The following ESPN variants were observed in gnomAD, a reference collection of about 807,000 sequenced individuals.
The protein encoded by ESPN is autosomal recessive deafness type 36 protein.
ESPN carries 68 observed loss-of-function variants against 77.7 expected under a neutral mutation model. The observed-to-expected ratio is 0.87, with a 90% CI of 0.72 to 1.07. The LOEUF (loss-of-function observed/expected upper bound fraction) is 1.07, where lower values mean the gene tolerates loss of function less well. ESPN is among the 50% of genes least tolerant of loss of function. ESPN has a pLI of 0.00. For missense variants in ESPN, 1,060 were observed against 1,239.0 expected, an observed-to-expected ratio of 0.86 and a Z score of 2.17; for synonymous variants, 449 against 567.1, an observed-to-expected ratio of 0.79 and a Z score of 2.96.
chr1:6,437,990 G>T lies in ESPN; in HGVS notation c.489-2264G>T, dbSNP rs760327627. ...GCCCATTGATGGGCAGGCAACAAGCGGATGGGCAGTTGGATGGGTGAGCGA... is the reference window on the plus strand; with the variant it reads ...GCCCATTGATGGGCAGGCAACAAGCTGATGGGCAGTTGGATGGGTGAGCGA... On this transcript the variant is annotated intron_variant, in intron 2 of 12. Coordinates refer to ENST00000645284, the MANE Select transcript of ESPN (RefSeq NM_031475.3). This position sits in a 1 kb window ranked among gnomAD's most constrained non-coding sequence, Gnocchi z 4.5. Among the ~76,000 whole-genome samples, 4 of 152,086 alleles carry T rather than the reference G, an allele frequency of 2.6e-5. No homozygotes were observed. Among genetic ancestry groups the T allele is most frequent in the African/African-American group, 9.7e-5 (4 of 41,412 alleles).
In ESPN at chr1:6,440,770, AC is replaced by A; in HGVS notation, c.824del (p.Pro275ArgfsTer11). On this transcript the variant is annotated frameshift_variant, in exon 4 of 13. Coordinates refer to ENST00000645284, the MANE Select transcript of ESPN (RefSeq NM_031475.3). LOFTEE classifies it high-confidence loss of function. The stretch of plus-strand genomic sequence containing the variant: ...GATCTCGGCTGACCTGTGGGGCGGG[AC>A]CCCGCTGCACGACGCCGCCGAGAAC... ...GEISADLWGG[T>X]PLHDAAENGE... 6.6e-7 allele frequency: 1 copy of A among 1,523,330 alleles called. No individual in the cohort carries two copies. Among genetic ancestry groups the A allele is most frequent in the Non-Finnish European group, 8.7e-7 (1 of 1,144,490 alleles). 94.4% of individuals were successfully genotyped at this position (1,523,330 alleles called of 1,614,324 possible). A position where few individuals can be genotyped will look rare whatever the true frequency, so the allele number is the denominator to read the frequency against.
chr1:6,440,553 G>C, intron 3 of ESPN, 73 bp from the exon 4 acceptor site: 1 of 680,560 alleles, frequency 1.5e-6, no homozygotes, highest in Non-Finnish European at 2.0e-6. Context: ...GCGGGCCACG[G>C]AGGTACAGGG....
intron 2 of ESPN, among the ~76,000 whole-genome samples, chr1:6,430,625 G>A (rs1301806602): frequency 1.3e-5 from 2 of 152,176 alleles, no homozygotes; most frequent in Non-Finnish European, 2.9e-5. Flanking sequence ...TACAAAATTA[G>A]CCAGGCGTGG....
Position 6,460,467 on chromosome 1 carries a change from G to A in ESPN, c.*321G>A, listed in dbSNP as rs569050087. The A allele has an allele frequency of 8.8e-6, 2 of 227,714 alleles. No individual in the cohort carries two copies. The highest frequency in any genetic ancestry group is 5.3e-5 in the Admixed American group (1 of 18,818). The allele number at this position is 227,714 out of a possible 1,614,324, so 14.1% of individuals were successfully genotyped here. On this transcript the variant is annotated 3_prime_UTR_variant, in exon 13 of 13. Coordinates refer to ENST00000645284, the MANE Select transcript of ESPN (RefSeq NM_031475.3). ...GTGCAGAGCTCTCCCCAGCCCCGTG[G>A]GTGGTGACTTTGTTTTCCTGCGGGG...
At position 6,440,781 on chromosome 1, in the gene ESPN, C is replaced by A. The variant is rs1223740364; in HGVS notation, c.831C>A (p.His277Gln). Reference sequence around the variant, plus strand: ...ACCTGTGGGGCGGGACCCCGCTGCACGACGCCGCCGAGAACGGGGAGCTAG... The same window carrying A: ...ACCTGTGGGGCGGGACCCCGCTGCAAGACGCCGCCGAGAACGGGGAGCTAG... ...SADLWGGTPL[H>Q]DAAENGELEC... Residue 277 changes from histidine (H) to glutamine (Q), a missense_variant, in exon 4 of 13, where the codon CAC becomes CAA. Around this residue, in one of 3 missense-constraint regions of ESPN, gnomAD observed 556 missense variants for 633.6 expected, o/e 0.88. Transcript: ENST00000645284. 1.1e-5 allele frequency: 16 copies of A among 1,514,258 alleles called. No individual in the cohort carries two copies. The highest frequency in any genetic ancestry group is 1.2e-5 in the Non-Finnish European group (14 of 1,139,990). 93.8% of individuals were successfully genotyped at this position (1,514,258 alleles called of 1,614,324 possible). A position where few individuals can be genotyped will look rare whatever the true frequency, so the allele number is the denominator to read the frequency against.
rs1160166737 is a variant in ESPN, at chr1:6,440,256, G to C, written c.491G>C (p.Gly164Ala). ...CGGTGGGCGCTGTGTCTCCGCAGGG[G>C]AGTGAATGCCCAAACCAAGAACGGT... is the stretch of plus-strand genomic sequence containing the variant. Reference protein sequence around the residue: ...LRLLVEHYPEGVNAQTKNGAT... With the variant: ...LRLLVEHYPEAVNAQTKNGAT... Residue 164 changes from glycine (G) to alanine (A), a missense_variant and splice_region_variant, in exon 3 of 13, where the codon GGA (glycine) becomes GCA (alanine). Gly to Ala is a moderately conservative substitution (Grantham distance 60, BLOSUM62 0). Transcript: ENST00000645284. 2 of 1,549,010 alleles carry C rather than the reference G, an allele frequency of 1.3e-6. No individual in the cohort carries two copies. The highest frequency in any genetic ancestry group is 2.4e-5 in the South Asian group (2 of 84,042).
rs552543862 is a variant in ESPN, at chr1:6,451,976, C to G, written c.2205C>G (p.Asp735Glu). Reference sequence around the variant, plus strand: ...CTCCTGCGCCGGGAGTGCAGCTGGACGTGGAGGCTCTCATCCCCACGCACG... The same window carrying G: ...CTCCTGCGCCGGGAGTGCAGCTGGAGGTGGAGGCTCTCATCCCCACGCACG... ...PTTPAPGVQL[D>E]VEALIPTHDE... Residue 735 changes from aspartate to glutamate, a missense_variant, in exon 10 of 13, where the codon GAC (aspartate) becomes GAG (glutamate). This residue lies in a region of ESPN where 374 missense variants were observed against 381.4 expected (regional missense o/e 0.98). Coordinates refer to ENST00000645284, the MANE Select transcript of ESPN (RefSeq NM_031475.3). The surrounding 1 kb of genome is among the most constrained non-coding windows in gnomAD (Gnocchi z 4.3). The G allele has an allele frequency of 3.1e-6, 5 of 1,609,754 alleles. No homozygotes were observed. The highest frequency in any genetic ancestry group is 4.2e-6 in the Non-Finnish European group (5 of 1,178,230).
chr1:6,441,859 TC>T (rs78466507), intron 5 of ESPN, among the ~76,000 whole-genome samples: 40,118 of 150,014 alleles, frequency 0.27, 6,483 homozygotes, highest in African/African-American at 0.46. Flanking sequence ...CCATCTGCCC[TC>T]CCCCCCCCAG....
Position 6,431,181 on chromosome 1 carries a change from C to T in ESPN, c.488+2762C>T, listed in dbSNP as rs192171294. Among the ~76,000 whole-genome samples, 39 of 152,326 alleles carry T rather than the reference C, an allele frequency of 2.6e-4. No homozygotes were observed. The East Asian group carries it at 7.3e-3, about 29-fold the overall frequency. ...GAGTGAGGAGGCTCCAGGCTCTTCC[C>T]CTGGGCTCGTGGGTGCTGCCAGTCA... On this transcript the variant is annotated intron_variant, in intron 2 of 12. Transcript: ENST00000645284.
rs3817914 is a variant in ESPN, at chr1:6,440,972, C to T, written c.897C>T (p.Asp299=). The part of the protein sequence containing the change: ...QILVVNGAEL[D]VRDRDGYTAA... ...TGGTAGTGAACGGCGCGGAGCTGGA[C>T]GTCCGCGACCGCGACGGGTACACGG... Residue 299 remains aspartate (D), a synonymous_variant, in exon 5 of 13, where the codon GAC becomes GAT. Coordinates refer to ENST00000645284, the MANE Select transcript of ESPN (RefSeq NM_031475.3). 2 of 1,603,216 alleles carry T rather than the reference C, an allele frequency of 1.2e-6. No individual in the cohort carries two copies. Among genetic ancestry groups the T allele is most frequent in the East Asian group, 4.5e-5 (2 of 44,442 alleles).
In ESPN at chr1:6,451,990, T is replaced by C; in HGVS notation, c.2219T>C (p.Ile740Thr). ...PGVQLDVEAL[I>T]PTHDEQGRPI... ...GTGCAGCTGGACGTGGAGGCTCTCA[T>C]CCCCACGCACGATGAGCAGGGCCGG... The change falls in exon 10 of 13, where the codon ATC (isoleucine) becomes ACC (threonine). Residue 740 changes from isoleucine (I) to threonine (T), a missense_variant. Physicochemically the swap from Ile to Thr is moderately conservative, Grantham distance 89 (BLOSUM62 -1). Around this residue, in one of 3 missense-constraint regions of ESPN, gnomAD observed 374 missense variants for 381.4 expected, o/e 0.98. Coordinates refer to ENST00000645284, the MANE Select transcript of ESPN (RefSeq NM_031475.3). The surrounding 1 kb of genome is among the most constrained non-coding windows in gnomAD (Gnocchi z 4.3). 6.2e-7 allele frequency: 1 copy of C among 1,608,160 alleles called. No individual in the cohort carries two copies.
At chr1:6,443,732 C>G (rs1219192051) in intron 5 of ESPN, among the ~76,000 whole-genome samples, 2 of 152,244 alleles carry the variant, frequency 1.3e-5, no homozygotes, top group African/African-American at 2.4e-5. Context: ...GCCTGCCTCT[C>G]TCTCCCAGGG....
intron 10 of ESPN, among the ~76,000 whole-genome samples, chr1:6,456,849 C>A (rs752583011): frequency 6.6e-6 from 1 of 152,184 alleles, no homozygotes; most frequent in African/African-American, 2.4e-5. Context: ...CTGGCATCTG[C>A]GTCTGCCCAG....
Position 6,451,429 on chromosome 1 carries a change from C to G in ESPN, c.1916-174C>G, listed in dbSNP as rs779830165. On this transcript the variant is annotated intron_variant, in intron 8 of 12. Transcript: ENST00000645284. The surrounding 1 kb of genome is among the most constrained non-coding windows in gnomAD (Gnocchi z 4.3). ...CAGTCAGGGAACCAAGGGCCCGCCTCTGGGGGCCCTGAAACCTGCCTGCAG... is the reference window on the plus strand; with the variant it reads ...CAGTCAGGGAACCAAGGGCCCGCCTGTGGGGGCCCTGAAACCTGCCTGCAG... The G allele has an allele frequency of 5.8e-6, 5 of 856,610 alleles. No homozygotes were observed. The highest frequency in any genetic ancestry group is 9.3e-6 in the Non-Finnish European group (5 of 535,908). 53.1% of individuals were successfully genotyped at this position (856,610 alleles called of 1,614,324 possible). A position where few individuals can be genotyped will look rare whatever the true frequency, so the allele number is the denominator to read the frequency against.
In ESPN at chr1:6,450,484, T is replaced by G. The variant is rs943473161; in HGVS notation, c.1916-1119T>G. The G allele has an allele frequency of 8.2e-6, 8 of 973,116 alleles. No homozygotes were observed. The African/African-American group carries it at 1.4e-4, about 17-fold the overall frequency. The allele number at this position is 973,116 out of a possible 1,614,324, so 60.3% of individuals were successfully genotyped here. ...GGCACAGGAAGAGTGAGTAGCTGCG[T>G]GCGCGGCTCCTGGCTGAGGCTGAGG... On this transcript the variant is annotated intron_variant, in intron 8 of 12. Coordinates refer to ENST00000645284, the MANE Select transcript of ESPN (RefSeq NM_031475.3). The surrounding 1 kb of genome is among the most constrained non-coding windows in gnomAD (Gnocchi z 4.3).
intron 10 of ESPN, chr1:6,455,551 C>G (rs905396758): frequency 2.5e-6 from 1 of 398,522 alleles, no homozygotes; most frequent in African/African-American, 2.1e-5. Flanking sequence ...CCGGCAAGCC[C>G]GGGCCTGGCG....
intron 10 of ESPN, chr1:6,455,761 G>C: frequency 2.5e-6 from 1 of 399,006 alleles, no homozygotes. Flanking sequence ...CCGTGGGAGC[G>C]CATCCGCCTC....
At chr1:6,454,413 C>T (rs1569741963) in intron 10 of ESPN, 1 of 398,900 alleles carries the variant, frequency 2.5e-6, no homozygotes, top group East Asian at 3.6e-5. Context: ...TCCCTCCCCT[C>T]TCTTGTCTTC....
At chr1:6,429,903 A>C (rs1191010002) in intron 2 of ESPN, 2 of 153,768 alleles carry the variant, frequency 1.3e-5, no homozygotes, top group Non-Finnish European at 2.9e-5. Flanking sequence ...CCCAGGAGTC[A>C]CCATGAATCT....
Sources: gnomAD v4.1 joint callset for allele counts (sites outside exome capture counted in the v4.1 genomes callset) on GRCh38, gnomAD v4.1.1 for gene constraint, gnomAD v4.1.1 regional missense constraint, Gnocchi (gnomAD v3.1) non-coding constraint, MANE v1.5 for transcripts, NCBI Gene and HGNC (gene_info 2026-07-23, HGNC 2026-07-21) for gene names.